UNC79: variants seen among roughly 807,000 people sequenced by gnomAD.
UNC79 encodes unc-79 subunit of NALCN channel complex.
Under a neutral mutation model 283.1 loss-of-function variants are expected in UNC79, and 37 were observed. The observed-to-expected ratio is 0.13, with a 90% CI of 0.10 to 0.17. UNC79 has a LOEUF of 0.17. Among genes scored for constraint, UNC79 ranks in the 10% least tolerant of loss-of-function variants. The probability of loss-of-function intolerance (pLI) is 1.00; values close to 1 mark genes in which losing one functional copy is unlikely to be tolerated. For missense variants in UNC79, 2,272 were observed against 3,211.1 expected, an observed-to-expected ratio of 0.71 and a Z score of 7.07; for synonymous variants, 1,107 against 1,200.2, an observed-to-expected ratio of 0.92 and a Z score of 1.61.
At chr14:93,553,543 G>C (rs763099666) in intron 14 of UNC79, among the ~76,000 whole-genome samples, 1 of 152,146 alleles carries the variant, frequency 6.6e-6, no homozygotes, top group African/African-American at 2.4e-5. Flanking sequence ...CAAGACAATT[G>C]TCTGTGGATG....
intron 14 of UNC79, among the ~76,000 whole-genome samples, chr14:93,563,569 G>A (rs983494672): frequency 1.3e-5 from 2 of 152,272 alleles, no homozygotes; most frequent in South Asian, 4.2e-4. Context: ...AGTGCAGCGG[G>A]GGCAGAGCAG....
intron 8 of UNC79, among the ~76,000 whole-genome samples, chr14:93,528,311 T>C (rs1020296088): frequency 6.6e-6 from 1 of 152,216 alleles, no homozygotes; most frequent in African/African-American, 2.4e-5. Context: ...TTCTTGACAC[T>C]ATTTATTACT....
At chr14:93,602,925 G>A in intron 25 of UNC79, among the ~76,000 whole-genome samples, 1 of 152,134 alleles carries the variant, frequency 6.6e-6, no homozygotes. Context: ...ACAGGCATGA[G>A]CCACCACACC....
chr14:93,561,132 T>G (rs904582149), intron 14 of UNC79, among the ~76,000 whole-genome samples: 1 of 152,202 alleles, frequency 6.6e-6, no homozygotes, highest in Non-Finnish European at 1.5e-5. Flanking sequence ...ATCTGTAATA[T>G]GGAGCTGTAA....
chr14:93,394,988 C>T (rs1212925503), intron 1 of UNC79, among the ~76,000 whole-genome samples: 1 of 152,186 alleles, frequency 6.6e-6, no homozygotes, highest in Admixed American at 6.5e-5. Context: ...ATTGGGCTTA[C>T]AGACATGAGC....
At chr14:93,528,513 T>A in intron 8 of UNC79, 45 bp from the exon 9 acceptor site, 1 of 1,561,236 alleles carries the variant, frequency 6.4e-7, no homozygotes, top group Non-Finnish European at 8.8e-7. Flanking sequence ...GGGAATGTGA[T>A]ACCCAGGAAC....
chr14:93,691,552 A>G, intron 45 of UNC79, 197 bp from the exon 49 acceptor site: 1 of 617,460 alleles, frequency 1.6e-6, no homozygotes, highest in South Asian at 2.0e-5. Flanking sequence ...TTCTCTGAGC[A>G]CACTCCCACT....
In UNC79 at chr14:93,617,139, T is replaced by G; in HGVS notation, c.4059T>G (p.Ile1353Met). The change falls in exon 28 of 49, where the codon ATT (isoleucine) becomes ATG (methionine). Residue 1353 changes from isoleucine to methionine, a missense_variant. By Grantham distance (10) the Ile-to-Met change is conservative. Transcript: ENST00000555664. The surrounding 1 kb of genome is among the most constrained non-coding windows in gnomAD (Gnocchi z 4.5). The stretch of plus-strand genomic sequence containing the variant: ...TATTTCAGGTTATGGACTATAACAT[T>G]AACTTGGGAAAACACCTTCTCCCCT... The G allele has an allele frequency of 6.2e-7, 1 of 1,613,362 alleles. No homozygotes were observed. Among genetic ancestry groups the G allele is most frequent in the Non-Finnish European group, 8.5e-7 (1 of 1,179,558 alleles).
chr14:93,613,594 T>G (rs1456821527), intron 27 of UNC79, among the ~76,000 whole-genome samples: 4 of 152,018 alleles, frequency 2.6e-5, no homozygotes, highest in African/African-American at 9.7e-5. Context: ...TTTTATATTT[T>G]TAGTAGAGAT....
chr14:93,541,371 A>G (rs1264256472), intron 13 of UNC79, among the ~76,000 whole-genome samples: 1 of 152,234 alleles, frequency 6.6e-6, no homozygotes, highest in Non-Finnish European at 1.5e-5. Context: ...AGTAGAGATC[A>G]AACATACAGA....
intron 42 of UNC79, among the ~76,000 whole-genome samples, chr14:93,685,379 A>AT (rs2074158422): frequency 6.6e-6 from 1 of 152,204 alleles, no homozygotes; most frequent in South Asian, 2.1e-4. Context: ...GCACGAAAGG[A>AT]TTAATATTCC....
chr14:93,411,803 A>T (rs2055340899), intron 1 of UNC79, among the ~76,000 whole-genome samples: 2 of 152,248 alleles, frequency 1.3e-5, no homozygotes, highest in South Asian at 4.1e-4. Flanking sequence ...ATATCTGGAA[A>T]GCCTTCCCAA....
At chr14:93,556,029 G>T (rs1157982088) in intron 14 of UNC79, among the ~76,000 whole-genome samples, 1 of 152,112 alleles carries the variant, frequency 6.6e-6, no homozygotes, top group African/African-American at 2.4e-5. Flanking sequence ...TAGTAGGTGG[G>T]CACAGCTGGA....
At chr14:93,578,846 A>AG (rs1566692595) in intron 18 of UNC79, among the ~76,000 whole-genome samples, 1 of 152,232 alleles carries the variant, frequency 6.6e-6, no homozygotes, top group Non-Finnish European at 1.5e-5. Context: ...AAGAGAAAAA[A>AG]GCCTGGCTTT....
chr14:93,351,736 T>C (rs1449834914), intron 1 of UNC79, among the ~76,000 whole-genome samples: 1 of 152,098 alleles, frequency 6.6e-6, no homozygotes, highest in Non-Finnish European at 1.5e-5. Flanking sequence ...TGGCTCGTGG[T>C]TGTGGAAGCT....
At chr14:93,355,513 A>G (rs1450630886) in intron 1 of UNC79, among the ~76,000 whole-genome samples, 1 of 152,090 alleles carries the variant, frequency 6.6e-6, no homozygotes, top group African/African-American at 2.4e-5. Flanking sequence ...TTGTATTTTT[A>G]GTAGAGATGA....
intron 1 of UNC79, among the ~76,000 whole-genome samples, chr14:93,455,841 A>G (rs779369336): frequency 6.6e-6 from 1 of 151,926 alleles, no homozygotes; most frequent in Non-Finnish European, 1.5e-5. Context: ...AAGAGCCAGA[A>G]TTCAAATAAA....
At chr14:93,532,885 A>G (rs1220642557) in intron 11 of UNC79, among the ~76,000 whole-genome samples, 2 of 152,124 alleles carry the variant, frequency 1.3e-5, no homozygotes, top group Non-Finnish European at 2.9e-5. Flanking sequence ...ACTGCAATTT[A>G]TGGTACTTAA....
At chr14:93,472,050 G>C (rs2057539912) in intron 2 of UNC79, among the ~76,000 whole-genome samples, 1 of 151,962 alleles carries the variant, frequency 6.6e-6, no homozygotes, top group South Asian at 2.1e-4. Context: ...ATGGTATTCA[G>C]CTATTTTTAT....
Sources: allele counts gnomAD v4.1 joint callset (sites outside exome capture counted in the v4.1 genomes callset), GRCh38; gene constraint gnomAD v4.1.1; non-coding constraint Gnocchi (gnomAD v3.1); transcripts MANE v1.5; gene names NCBI Gene and HGNC (gene_info 2026-07-23, HGNC 2026-07-21).